The following MRPS6 variants were observed in gnomAD, a reference collection of about 807,000 sequenced individuals.
MRPS6 encodes the protein small ribosomal subunit protein bS6m.
Under a neutral mutation model 13.1 loss-of-function variants are expected in MRPS6, and 6 were observed. The observed-to-expected ratio is 0.46, with a 90% CI of 0.25 to 0.91. The LOEUF (loss-of-function observed/expected upper bound fraction) is 0.91. Ranked by LOEUF, MRPS6 falls within the 40% of genes least tolerant of loss-of-function variation. The pLI, the probability that MRPS6 is intolerant of heterozygous loss-of-function variation, is 0.18. For synonymous variants in MRPS6, 61 were observed against 56.5 expected, an observed-to-expected ratio of 1.08 and a Z score of -0.36; for missense variants, 164 against 155.6, an observed-to-expected ratio of 1.05 and a Z score of -0.29.
intron 2 of MRPS6, among the ~76,000 whole-genome samples, chr21:34,138,494 GA>G (rs1980784592): frequency 6.6e-6 from 1 of 151,788 alleles, no homozygotes; most frequent in African/African-American, 2.4e-5. Context: ...AAATTTACAA[GA>G]AAAAAACAAC....
At chr21:34,089,910 A>G (rs1261345631) in intron 1 of MRPS6, among the ~76,000 whole-genome samples, 1 of 152,242 alleles carries the variant, frequency 6.6e-6, no homozygotes, top group African/African-American at 2.4e-5. Flanking sequence ...TGGTTAAAAC[A>G]TTACGGTACA....
intron 2 of MRPS6, among the ~76,000 whole-genome samples, chr21:34,131,112 T>A (rs551941825): frequency 3.3e-4 from 51 of 152,308 alleles, no homozygotes; most frequent in African/African-American, 1.2e-3. Context: ...ATTGATTCAA[T>A]CACCAAGAGT....
intron 1 of MRPS6, among the ~76,000 whole-genome samples, chr21:34,089,989 C>G (rs529976317): frequency 8.5e-5 from 13 of 152,248 alleles, no homozygotes; most frequent in South Asian, 2.1e-4. Flanking sequence ...TTGCATATTA[C>G]TTGGTGGCTG....
chr21:34,128,648 A>G (rs1476332526), intron 2 of MRPS6, among the ~76,000 whole-genome samples: 1 of 152,250 alleles, frequency 6.6e-6, no homozygotes, highest in African/African-American at 2.4e-5. Flanking sequence ...TCTGTTGTTT[A>G]TAACTGAGAA....
chr21:34,103,601 C>G, intron 1 of MRPS6: 7 of 999,958 alleles, frequency 7.0e-6, no homozygotes, highest in Non-Finnish European at 8.4e-6. Flanking sequence ...ATTAGTGTAC[C>G]CACACATAGA....
intron 1 of MRPS6, among the ~76,000 whole-genome samples, chr21:34,088,287 C>A (rs1246198391): frequency 6.6e-6 from 1 of 152,194 alleles, no homozygotes; most frequent in East Asian, 1.9e-4. Context: ...CTAATTAACA[C>A]TGATAAAAAG....
chr21:34,108,299 G>A (rs528354081), intron 1 of MRPS6, among the ~76,000 whole-genome samples: 1 of 152,152 alleles, frequency 6.6e-6, no homozygotes, highest in African/African-American at 2.4e-5. Context: ...TATTTTGACT[G>A]GACCTTTTCT....
At chr21:34,113,367 A>C (rs1360833892) in intron 1 of MRPS6, among the ~76,000 whole-genome samples, 1 of 152,224 alleles carries the variant, frequency 6.6e-6, no homozygotes, top group East Asian at 1.9e-4. Context: ...TGGCATACAT[A>C]CACAATAGAA....
At position 34,101,308 on chromosome 21, in the gene MRPS6, A is replaced by G. The variant is rs971371251; in HGVS notation, c.46-24033A>G. On this transcript the variant is annotated intron_variant, in intron 1 of 2. Coordinates refer to ENST00000399312, the MANE Select transcript of MRPS6 (RefSeq NM_032476.4). ...CCTCCCCATATAAATCAGGGCACCA[A>G]TAAATAAGTTTCAGCTTTTTAAACC... 1.0e-5 allele frequency: 10 copies of G among 1,000,252 alleles called. No homozygotes were observed. The African/African-American group carries it at 1.7e-4, about 17-fold the overall frequency. The allele number at this position is 1,000,252 out of a possible 1,614,324, so 62.0% of individuals were successfully genotyped here.
intron 1 of MRPS6, chr21:34,105,112 C>G: frequency 1.0e-6 from 1 of 1,000,130 alleles, no homozygotes; most frequent in Non-Finnish European, 1.2e-6. Context: ...ATGCCATACT[C>G]CATTAGTGTC....
chr21:34,127,973 C>T (rs1980367512), intron 2 of MRPS6, among the ~76,000 whole-genome samples: 1 of 152,222 alleles, frequency 6.6e-6, no homozygotes, highest in African/African-American at 2.4e-5. Context: ...TGATTTGAAA[C>T]CTGACAGTGG....
At chr21:34,076,741 C>G (rs1989341876) in intron 1 of MRPS6, among the ~76,000 whole-genome samples, 1 of 152,184 alleles carries the variant, frequency 6.6e-6, no homozygotes, top group Non-Finnish European at 1.5e-5. Flanking sequence ...TGTTGTGAAA[C>G]TAGGCCTTTA....
intron 1 of MRPS6, among the ~76,000 whole-genome samples, chr21:34,107,980 CA>C (rs1302031913): frequency 6.6e-6 from 1 of 152,166 alleles, no homozygotes; most frequent in East Asian, 1.9e-4. Flanking sequence ...CTAGGAAATA[CA>C]CATACAGTCA....
intron 1 of MRPS6, among the ~76,000 whole-genome samples, chr21:34,117,278 CCCTT>C (rs1171982713): frequency 1.3e-5 from 2 of 152,124 alleles, no homozygotes; most frequent in Non-Finnish European, 2.9e-5. Flanking sequence ...AGAATTTTCT[CCCTT>C]CCTTTCGTCT....
chr21:34,117,672 A>C (rs527353862), intron 1 of MRPS6, among the ~76,000 whole-genome samples: 1 of 152,256 alleles, frequency 6.6e-6, no homozygotes, highest in Admixed American at 6.5e-5. Context: ...AGTTGAACCA[A>C]AATGGCAATT....
intron 2 of MRPS6, among the ~76,000 whole-genome samples, chr21:34,139,870 G>A (rs189046293): frequency 1.4e-4 from 22 of 152,192 alleles, no homozygotes; most frequent in Non-Finnish European, 2.8e-4. Context: ...GAGCCCCAGC[G>A]CCTGACCTTG....
rs765081516 is a variant in MRPS6, at chr21:34,073,664, G to T, written c.-37G>T. The T allele has an allele frequency of 6.6e-7, 1 of 1,511,110 alleles. No individual in the cohort carries two copies. The highest frequency in any genetic ancestry group is 1.9e-5 in the Admixed American group (1 of 53,714). 93.6% of individuals were successfully genotyped at this position (1,511,110 alleles called of 1,614,324 possible). A position where few individuals can be genotyped will look rare whatever the true frequency, so the allele number is the denominator to read the frequency against. Reference sequence around the variant, plus strand: ...CCCGCCCCTTCGCGTCCCGGGAACCGGCTGGCTTCCGAGCCGCACTCGCCG... The same window carrying T: ...CCCGCCCCTTCGCGTCCCGGGAACCTGCTGGCTTCCGAGCCGCACTCGCCG... On this transcript the variant is annotated 5_prime_UTR_variant, in exon 1 of 3. Transcript: ENST00000399312.
chr21:34,097,321 T>C, intron 1 of MRPS6: 1 of 1,608,234 alleles, frequency 6.2e-7, no homozygotes, highest in Non-Finnish European at 8.5e-7. Flanking sequence ...GTGTGTTCAC[T>C]TGGAATTTTC....
Position 34,073,643 on chromosome 21 carries a change from C to G in MRPS6, c.-58C>G. ...GGTCCCCACTGTCCCCGCCGTCCCGCCCCTTCGCGTCCCGGGAACCGGCTG... is the reference window on the plus strand; with the variant it reads ...GGTCCCCACTGTCCCCGCCGTCCCGGCCCTTCGCGTCCCGGGAACCGGCTG... On this transcript the variant is annotated 5_prime_UTR_variant, in exon 1 of 3. Transcript: ENST00000399312. 1.4e-6 allele frequency: 2 copies of G among 1,463,158 alleles called. No homozygotes were observed. Among genetic ancestry groups the G allele is most frequent in the South Asian group, 2.4e-5 (2 of 84,476 alleles). The allele number at this position is 1,463,158 out of a possible 1,614,324, so 90.6% of individuals were successfully genotyped here. A position where few individuals can be genotyped will look rare whatever the true frequency, so the allele number is the denominator to read the frequency against.
Sources: allele counts gnomAD v4.1 joint callset (sites outside exome capture counted in the v4.1 genomes callset), GRCh38; gene constraint gnomAD v4.1.1; transcripts MANE v1.5; gene names NCBI Gene and HGNC (gene_info 2026-07-23, HGNC 2026-07-21).